The following XKR6 variants were observed in gnomAD, a reference collection of about 807,000 sequenced individuals.
The protein encoded by XKR6 is XK-related protein 6.
Under a neutral mutation model 56.7 loss-of-function variants are expected in XKR6, and 22 were observed. That is an observed-to-expected ratio of 0.39 (90% CI 0.28 to 0.55). XKR6 has a LOEUF of 0.55. Ranked by LOEUF, XKR6 falls within the 20% of genes least tolerant of loss-of-function variation. The probability of loss-of-function intolerance (pLI) is 0.66; values close to 1 mark genes in which losing one functional copy is unlikely to be tolerated. For synonymous variants in XKR6, 524 were observed against 387.8 expected (o/e 1.35, Z -4.13); for missense variants, 852 against 889.0 (o/e 0.96, Z 0.53).
Position 10,898,969 on chromosome 8 carries a change from G to C in XKR6, c.962-53C>G, listed in dbSNP as rs909513460. 1 of 1,527,524 alleles carries C rather than the reference G, an allele frequency of 6.5e-7. No homozygotes were observed. Among genetic ancestry groups the C allele is most frequent in the Non-Finnish European group, 8.7e-7 (1 of 1,144,676 alleles). 94.6% of individuals were successfully genotyped at this position (1,527,524 alleles called of 1,614,324 possible). ...TCAAAACCTTGGACATCAACCGCAGGGCACAGTGAAGCTGCCGGCTGAGGA... is the reference window on the plus strand; with the variant it reads ...TCAAAACCTTGGACATCAACCGCAGCGCACAGTGAAGCTGCCGGCTGAGGA... On this transcript the variant is annotated intron_variant, in intron 2 of 2. Coordinates refer to ENST00000416569, the MANE Select transcript of XKR6 (RefSeq NM_173683.4). The surrounding 1 kb of genome is among the most constrained non-coding windows in gnomAD (Gnocchi z 6.6).
At chr8:11,051,903 C>T (rs145734231) in intron 1 of XKR6, among the ~76,000 whole-genome samples, 1,828 of 152,270 alleles carry the variant, frequency 0.012, 33 homozygotes, top group African/African-American at 0.042. Context: ...CATAGGTATA[C>T]ATATGCCATG....
chr8:11,008,951 C>T (rs1363069605), intron 1 of XKR6, among the ~76,000 whole-genome samples: 5 of 152,106 alleles, frequency 3.3e-5, no homozygotes, highest in African/African-American at 7.2e-5. Context: ...AAAGGTCTTC[C>T]AACTCAGAAA....
intron 1 of XKR6, among the ~76,000 whole-genome samples, chr8:11,119,789 A>G (rs940695250): frequency 1.3e-5 from 2 of 152,206 alleles, no homozygotes; most frequent in Non-Finnish European, 2.9e-5. Context: ...AATCCTCAAT[A>G]AAATACTGGC....
At chr8:11,064,990 T>A (rs1799939763) in intron 1 of XKR6, among the ~76,000 whole-genome samples, 1 of 152,234 alleles carries the variant, frequency 6.6e-6, no homozygotes, top group African/African-American at 2.4e-5. Flanking sequence ...GTCTTTGAAC[T>A]ACTTTAAAAA....
chr8:11,070,967 G>A (rs1358033044), intron 1 of XKR6, among the ~76,000 whole-genome samples: 1 of 152,198 alleles, frequency 6.6e-6, no homozygotes, highest in African/African-American at 2.4e-5. Context: ...CATCACTGGG[G>A]CGCTATCCCA....
At chr8:11,116,516 G>A (rs1308335086) in intron 1 of XKR6, among the ~76,000 whole-genome samples, 5 of 152,036 alleles carry the variant, frequency 3.3e-5, no homozygotes, top group Non-Finnish European at 7.4e-5. Context: ...GATTACAGGG[G>A]CCCATCGCCA....
At chr8:11,127,814 C>T (rs994678178) in intron 1 of XKR6, among the ~76,000 whole-genome samples, 5 of 152,132 alleles carry the variant, frequency 3.3e-5, no homozygotes, top group African/African-American at 1.2e-4. Context: ...GCGGGGGGCG[C>T]CATTAATGTG....
intron 1 of XKR6, among the ~76,000 whole-genome samples, chr8:11,121,987 A>C (rs1475796216): frequency 6.6e-6 from 1 of 152,256 alleles, no homozygotes; most frequent in Non-Finnish European, 1.5e-5. Flanking sequence ...TTGAACAATA[A>C]GAACACTTGG....
At chr8:11,134,836 T>C (rs1032236738) in intron 1 of XKR6, among the ~76,000 whole-genome samples, 3 of 152,068 alleles carry the variant, frequency 2.0e-5, no homozygotes, top group Admixed American at 1.3e-4. Context: ...TGACCAATAA[T>C]AGATCAACTA....
chr8:10,978,134 T>A (rs78340859), intron 1 of XKR6, among the ~76,000 whole-genome samples: 5,044 of 152,176 alleles, frequency 0.033, 254 homozygotes, highest in African/African-American at 0.11. Context: ...TGACACTCAA[T>A]GAGGGCCTAG....
At chr8:11,171,420 C>G (rs754749321) in intron 1 of XKR6, among the ~76,000 whole-genome samples, 1 of 152,230 alleles carries the variant, frequency 6.6e-6, no homozygotes, top group Non-Finnish European at 1.5e-5. Flanking sequence ...TTTTTCCCCT[C>G]CAAATCTCAT....
chr8:11,092,961 C>G (rs1456849561), intron 1 of XKR6, among the ~76,000 whole-genome samples: 2 of 152,224 alleles, frequency 1.3e-5, no homozygotes, highest in African/African-American at 4.8e-5. Context: ...CACCATGCAG[C>G]CCTTGACTAC....
chr8:11,102,210 T>C (rs886123447), intron 1 of XKR6, among the ~76,000 whole-genome samples: 1 of 152,160 alleles, frequency 6.6e-6, no homozygotes, highest in Non-Finnish European at 1.5e-5. Flanking sequence ...TACTGAGACC[T>C]GCCCTCCATC....
At chr8:11,024,290 A>G (rs1264456652) in intron 1 of XKR6, among the ~76,000 whole-genome samples, 1 of 142,716 alleles carries the variant, frequency 7.0e-6, no homozygotes, top group Non-Finnish European at 1.5e-5. Context: ...TTCTCATTTC[A>G]TGACTTTGGG....
intron 1 of XKR6, among the ~76,000 whole-genome samples, chr8:11,178,553 T>A (rs942050975): frequency 3.2e-5 from 4 of 126,930 alleles, no homozygotes; most frequent in African/African-American, 1.6e-4. Context: ...TAAAAATATA[T>A]ATATATATAT....
intron 1 of XKR6, among the ~76,000 whole-genome samples, chr8:11,129,848 A>T (rs1352204882): frequency 1.3e-5 from 2 of 151,690 alleles, no homozygotes; most frequent in African/African-American, 4.9e-5. Context: ...GTTCACAATA[A>T]ATGTGTGAAG....
intron 1 of XKR6, among the ~76,000 whole-genome samples, chr8:10,968,515 G>A (rs912571475): frequency 1.3e-5 from 2 of 152,166 alleles, no homozygotes; most frequent in Non-Finnish European, 2.9e-5. Context: ...AACTCATTCT[G>A]GATTGCAGTG....
In XKR6 at chr8:11,200,733, C is replaced by T; in HGVS notation, c.607G>A (p.Gly203Ser). ...TAGCCGGCCCCCATCATGGGGGGGCCCCGGCTGGTGAGCCCCTCCACGGCG... is the reference window on the plus strand; with the variant it reads ...TAGCCGGCCCCCATCATGGGGGGGCTCCGGCTGGTGAGCCCCTCCACGGCG... ...LGAVEGLTSR[G>S]PPMMGAGYVH... is the part of the protein sequence containing the mutation. The change falls in exon 1 of 3, where the codon GGC (glycine) becomes AGC (serine). Residue 203 changes from glycine (G) to serine (S), a missense_variant. By Grantham distance (56) the Gly-to-Ser change is moderately conservative. Coordinates refer to ENST00000416569, the MANE Select transcript of XKR6 (RefSeq NM_173683.4). The surrounding 1 kb of genome is among the most constrained non-coding windows in gnomAD (Gnocchi z 6.4). 6 of 1,591,518 alleles carry T rather than the reference C, an allele frequency of 3.8e-6. No individual in the cohort carries two copies. The highest frequency in any genetic ancestry group is 5.1e-6 in the Non-Finnish European group (6 of 1,172,204).
rs1799923199 is a variant in XKR6, at chr8:10,897,701, T to G, written c.*251A>C. ...TATGTGTAAAAAACAAAAGAAAGGT[T>G]TTCTTTTTGTTTTTACTTACAAAAC... On this transcript the variant is annotated 3_prime_UTR_variant, in exon 3 of 3. Coordinates refer to ENST00000416569, the MANE Select transcript of XKR6 (RefSeq NM_173683.4). 9.8e-6 allele frequency: 4 copies of G among 407,232 alleles called. No individual in the cohort carries two copies. In the South Asian group the frequency reaches 3.8e-4, roughly 39 times the overall value. 25.2% of individuals were successfully genotyped at this position (407,232 alleles called of 1,614,324 possible).
Sources: allele counts gnomAD v4.1 joint callset (sites outside exome capture counted in the v4.1 genomes callset), GRCh38; gene constraint gnomAD v4.1.1; non-coding constraint Gnocchi (gnomAD v3.1); transcripts MANE v1.5; gene names NCBI Gene and HGNC (gene_info 2026-07-23, HGNC 2026-07-21).